RHOBTB2: variants seen among roughly 807,000 people sequenced by gnomAD.
RHOBTB2 encodes the protein rho-related BTB domain-containing protein 2.
In RHOBTB2, 39 loss-of-function variants were observed where a neutral mutation model predicts 66.5. The ratio of observed to expected loss-of-function variants is 0.59; its 90% CI spans 0.45 to 0.77. The LOEUF (loss-of-function observed/expected upper bound fraction) is 0.77, where lower values mean the gene tolerates loss of function less well. Ranked by LOEUF, RHOBTB2 falls within the 30% of genes least tolerant of loss-of-function variation. RHOBTB2 has a pLI of 0.00. For missense variants in RHOBTB2, 755 were observed against 999.1 expected (o/e 0.76, Z 3.29); for synonymous variants, 390 against 395.0 (o/e 0.99, Z 0.15).
the RHOBTB2 span, among the ~76,000 whole-genome samples, chr8:22,972,741 C>T: frequency 1.3e-5 from 2 of 152,234 alleles, no homozygotes; most frequent in Non-Finnish European, 2.9e-5. Context: ...AGCCTGACAA[C>T]TGGCTTTTCT....
At chr8:23,016,663 C>T (rs976349319) in intron 9 of RHOBTB2, among the ~76,000 whole-genome samples, 108 of 152,244 alleles carry the variant, frequency 7.1e-4, no homozygotes, top group African/African-American at 2.5e-3. Context: ...TTGCCTGCCT[C>T]GGCCTCCCAA....
the RHOBTB2 span, among the ~76,000 whole-genome samples, chr8:22,963,842 T>G: frequency 6.6e-6 from 1 of 152,082 alleles, no homozygotes; most frequent in Admixed American, 6.6e-5. Flanking sequence ...AGTGCAATGA[T>G]GTGATCTTGG....
rs1810998188 is a variant in RHOBTB2, at chr8:23,007,340, C to T, written c.1095C>T (p.Ser365=). 4 of 1,613,622 alleles carry T rather than the reference C, an allele frequency of 2.5e-6. No individual in the cohort carries two copies. The highest frequency in any genetic ancestry group is 3.4e-6 in the Non-Finnish European group (4 of 1,179,738). Residue 365 remains serine, a synonymous_variant, in exon 5 of 10, where the codon TCC becomes TCT. Transcript: ENST00000251822. ...GGSGPAGLRA[S]TSDGILRGNG... ...CCGGTCCTGCTGGCCTCCGTGCTTC[C>T]ACCAGCGACGGGATCTTACGGGGCA...
the RHOBTB2 span, among the ~76,000 whole-genome samples, chr8:22,961,424 C>T: frequency 6.6e-6 from 1 of 152,184 alleles, no homozygotes; most frequent in Admixed American, 6.5e-5. Context: ...GCCTGCCTGC[C>T]TGCCTGCCTT....
At chr8:23,000,741 ACTCT>A (rs1211636923) in intron 1 of RHOBTB2, among the ~76,000 whole-genome samples, 1 of 151,776 alleles carries the variant, frequency 6.6e-6, no homozygotes, top group African/African-American at 2.4e-5. Context: ...TTAGGAGTCC[ACTCT>A]CTCTTTGTTC....
rs778900632 is a variant in RHOBTB2 at position 23,006,828 on chromosome 8, G to T, written c.583G>T (p.Gly195Cys). ...TGAGACCAGCGTGGTGGCCCAGTTCGGCATCAAGGACGTCTTTGACAACGC... is the reference window on the plus strand; with the variant it reads ...TGAGACCAGCGTGGTGGCCCAGTTCTGCATCAAGGACGTCTTTGACAACGC... ...YYETSVVAQF[G>C]IKDVFDNAIR... Residue 195 changes from glycine (G) to cysteine (C), a missense_variant, in exon 5 of 10, where the codon GGC (glycine) becomes TGC (cysteine). Around this residue, in one of 7 missense-constraint regions of RHOBTB2, gnomAD observed 35 missense variants for 38.1 expected, o/e 0.92. Coordinates refer to ENST00000251822, the MANE Select transcript of RHOBTB2 (RefSeq NM_015178.3). The surrounding 1 kb of genome is among the most constrained non-coding windows in gnomAD (Gnocchi z 6.1). 1 of 1,613,954 alleles carries T rather than the reference G, an allele frequency of 6.2e-7. No homozygotes were observed. The highest frequency in any genetic ancestry group is 8.5e-7 in the Non-Finnish European group (1 of 1,180,018).
At chr8:22,989,763 G>A (rs1454230108) in intron 1 of RHOBTB2, among the ~76,000 whole-genome samples, 4 of 152,246 alleles carry the variant, frequency 2.6e-5, no homozygotes, top group African/African-American at 9.6e-5. Flanking sequence ...TCATCTGTAA[G>A]ATAAAGAGGG....
At chr8:23,003,725 C>A (rs1810855468) in intron 1 of RHOBTB2, among the ~76,000 whole-genome samples, 1 of 152,186 alleles carries the variant, frequency 6.6e-6, no homozygotes, top group South Asian at 2.1e-4. Context: ...ACAGGACAGA[C>A]CCCGAATAGA....
chr8:23,018,099 C>G lies in RHOBTB2; in HGVS notation c.*630C>G, dbSNP rs182091792. 520 of 153,414 alleles carry G rather than the reference C, an allele frequency of 3.4e-3. 3 individuals are homozygous for G. The highest frequency in any genetic ancestry group is 4.5e-3 in the Non-Finnish European group (311 of 68,776). 9.5% of individuals were successfully genotyped at this position (153,414 alleles called of 1,614,324 possible). A position where few individuals can be genotyped will look rare whatever the true frequency, so the allele number is the denominator to read the frequency against. ...CCTCCGTCCCAGGGGGCTGTGCTAG[C>G]ACAGACCTGAGAATGGGGACACAGG... On this transcript the variant is annotated 3_prime_UTR_variant, in exon 10 of 10. Coordinates refer to ENST00000251822, the MANE Select transcript of RHOBTB2 (RefSeq NM_015178.3).
chr8:22,969,258 A>C, the RHOBTB2 span, among the ~76,000 whole-genome samples: 3 of 151,848 alleles, frequency 2.0e-5, no homozygotes, highest in Admixed American at 6.6e-5. Context: ...TAACCCCCCC[A>C]CCCCCGCATG....
chr8:22,978,525 C>T, the RHOBTB2 span, among the ~76,000 whole-genome samples: 2 of 147,754 alleles, frequency 1.4e-5, no homozygotes, highest in African/African-American at 4.9e-5. Flanking sequence ...AACCCCAAAA[C>T]TTAACAATTG....
In RHOBTB2 at chr8:23,000,023, C is replaced by G; in HGVS notation, c.-93C>G. The G allele has an allele frequency of 1.0e-6, 1 of 985,566 alleles. No individual in the cohort carries two copies. Among genetic ancestry groups the G allele is most frequent in the Non-Finnish European group, 1.2e-6 (1 of 830,016 alleles). The allele number at this position is 985,566 out of a possible 1,614,324, so 61.1% of individuals were successfully genotyped here. On this transcript the variant is annotated 5_prime_UTR_variant, in exon 1 of 10. Transcript: ENST00000251822. ...CCCAACTTGCAGGCGCGGAGGGACCCCTGACATTTCACTAAAATGAGCGTG... is the reference window on the plus strand; with the variant it reads ...CCCAACTTGCAGGCGCGGAGGGACCGCTGACATTTCACTAAAATGAGCGTG...
At chr8:23,010,932 A>C (rs555077217) in intron 7 of RHOBTB2, among the ~76,000 whole-genome samples, 1 of 152,334 alleles carries the variant, frequency 6.6e-6, no homozygotes, top group African/African-American at 2.4e-5. Flanking sequence ...TTTAAACCCA[A>C]CAAAATGGAA....
intron 8 of RHOBTB2, among the ~76,000 whole-genome samples, chr8:23,015,386 T>G (rs1423815624): frequency 1.3e-5 from 2 of 152,130 alleles, no homozygotes; most frequent in Non-Finnish European, 2.9e-5. Context: ...CTCTGGTGTC[T>G]GCAGCGAGGA....
At chr8:22,991,190 T>C (rs967171838) in intron 1 of RHOBTB2, among the ~76,000 whole-genome samples, 5 of 152,114 alleles carry the variant, frequency 3.3e-5, no homozygotes, top group Non-Finnish European at 7.3e-5. Flanking sequence ...AGCTGCCCTG[T>C]GGGCTTCTCA....
At chr8:23,014,434 TAC>T (rs920984141) in intron 7 of RHOBTB2, among the ~76,000 whole-genome samples, 23 of 152,244 alleles carry the variant, frequency 1.5e-4, no homozygotes, top group African/African-American at 5.3e-4. Flanking sequence ...TCACGGGACA[TAC>T]GTAGTTTGAA....
the RHOBTB2 span, among the ~76,000 whole-genome samples, chr8:22,952,436 C>T: frequency 8.5e-5 from 13 of 152,148 alleles, no homozygotes; most frequent in Non-Finnish European, 1.6e-4. Context: ...GTACTTCTTC[C>T]CCAAAGCTAA....
chr8:22,972,322 A>G, the RHOBTB2 span, among the ~76,000 whole-genome samples: 1 of 152,330 alleles, frequency 6.6e-6, no homozygotes, highest in Non-Finnish European at 1.5e-5. Context: ...TTTTTATACC[A>G]ATGCAGTCAT....
At chr8:23,000,194 T>G (rs2128801418) in intron 1 of RHOBTB2, 89 bp downstream of exon 1, 1 of 900,294 alleles carries the variant, frequency 1.1e-6, no homozygotes, top group East Asian at 1.2e-4. Flanking sequence ...GCCGCGCCCC[T>G]CGCTACGTTC....
Sources: gnomAD v4.1 joint callset for allele counts (sites outside exome capture counted in the v4.1 genomes callset) on GRCh38, gnomAD v4.1.1 for gene constraint, gnomAD v4.1.1 regional missense constraint, Gnocchi (gnomAD v3.1) non-coding constraint, MANE v1.5 for transcripts, NCBI Gene and HGNC (gene_info 2026-07-23, HGNC 2026-07-21) for gene names.